The following DPP10 variants were observed in gnomAD, a reference collection of about 807,000 sequenced individuals.
The protein encoded by DPP10 is inactive dipeptidyl peptidase 10.
In DPP10, 33 loss-of-function variants were observed where a neutral mutation model predicts 120.9. The ratio of observed to expected loss-of-function variants is 0.27; its 90% CI spans 0.21 to 0.37. The LOEUF (loss-of-function observed/expected upper bound fraction) is 0.37. Among genes scored for constraint, DPP10 ranks in the 10% least tolerant of loss-of-function variants. The pLI, the probability that DPP10 is intolerant of heterozygous loss-of-function variation, is 1.00. For synonymous variants in DPP10, 337 were observed against 326.1 expected (o/e 1.03, Z -0.36); for missense variants, 816 against 942.8 (o/e 0.87, Z 1.76).
chr2:115,079,138 TG>T lies in DPP10; in HGVS notation c.61-230097del, dbSNP rs1288616337. The stretch of plus-strand genomic sequence containing the variant: ...GCTCACGCCTGTAATCCCAGCACTT[TG>T]GGGCGCTGAGGCGGGTGGATCGTGA... On this transcript the variant is annotated intron_variant, in intron 1 of 25. Coordinates refer to ENST00000410059, the MANE Select transcript of DPP10 (RefSeq NM_020868.6). 2.0e-5 allele frequency among the ~76,000 whole-genome samples: 3 copies of T among 152,258 alleles called. No homozygotes were observed. The East Asian group carries it at 5.8e-4, about 29-fold the overall frequency.
intron 5 of DPP10, among the ~76,000 whole-genome samples, chr2:115,587,830 T>G (rs924507024): frequency 1.3e-5 from 2 of 152,236 alleles, no homozygotes; most frequent in Non-Finnish European, 2.9e-5. Flanking sequence ...AGTTTTATTC[T>G]TCAACATTCT....
chr2:115,405,582 G>T (rs1435499723), intron 3 of DPP10, among the ~76,000 whole-genome samples: 1 of 152,196 alleles, frequency 6.6e-6, no homozygotes, highest in Non-Finnish European at 1.5e-5. Context: ...CTCTGCCACT[G>T]TGACAGATTT....
At chr2:114,901,601 A>G (rs953976244) in intron 1 of DPP10, among the ~76,000 whole-genome samples, 12 of 152,314 alleles carry the variant, frequency 7.9e-5, no homozygotes, top group African/African-American at 2.4e-4. Flanking sequence ...TATTTTGTTC[A>G]TGTCCTAATT....
At chr2:115,527,753 A>G (rs76033917) in intron 5 of DPP10, among the ~76,000 whole-genome samples, 119 of 152,316 alleles carry the variant, frequency 7.8e-4, no homozygotes, top group African/African-American at 2.8e-3. Flanking sequence ...CAATAAGTAC[A>G]TGAAAATATT....
chr2:115,560,618 T>A (rs4849409), intron 5 of DPP10, among the ~76,000 whole-genome samples: 143,016 of 145,080 alleles, frequency 0.99, 70,532 homozygotes, highest in South Asian at 1. Flanking sequence ...AGATCAGAAA[T>A]TTTTTTTTTA....
intron 1 of DPP10, among the ~76,000 whole-genome samples, chr2:114,490,791 C>CG (rs1354699513): frequency 2.8e-5 from 4 of 144,930 alleles, no homozygotes; most frequent in African/African-American, 5.2e-5. Flanking sequence ...TATATGGGGG[C>CG]GGGGGGTAAT....
chr2:115,387,327 A>C (rs1181881150), intron 3 of DPP10, among the ~76,000 whole-genome samples: 1 of 152,214 alleles, frequency 6.6e-6, no homozygotes, highest in Non-Finnish European at 1.5e-5. Flanking sequence ...ATCTGGCCTT[A>C]GTTGCTACAA....
At chr2:114,993,811 A>G (rs1700909275) in intron 1 of DPP10, among the ~76,000 whole-genome samples, 1 of 151,978 alleles carries the variant, frequency 6.6e-6, no homozygotes, top group Non-Finnish European at 1.5e-5. Context: ...ACACGAGTCT[A>G]CATGTTTGAA....
rs779439414 is a variant in DPP10 at position 115,501,826 on chromosome 2, C to T, written c.366+2222C>T. 5.9e-5 allele frequency among the ~76,000 whole-genome samples: 9 copies of T among 151,986 alleles called. No individual in the cohort carries two copies. In the South Asian group the frequency reaches 1.0e-3, roughly 18 times the overall value. On this transcript the variant is annotated intron_variant, in intron 4 of 25. Transcript: ENST00000410059. ...AATACACTTATGTTTTTAATACTAA[C>T]GTTAGGCTAAAACCGGGATTTAATT...
intron 1 of DPP10, among the ~76,000 whole-genome samples, chr2:114,830,666 A>G (rs539763921): frequency 1.3e-5 from 2 of 152,272 alleles, no homozygotes; most frequent in East Asian, 1.9e-4. Context: ...TTTTTTTTAA[A>G]ACCACTTTTG....
At chr2:115,175,413 A>C (rs1343208245) in intron 1 of DPP10, among the ~76,000 whole-genome samples, 1 of 152,104 alleles carries the variant, frequency 6.6e-6, no homozygotes, top group African/African-American at 2.4e-5. Flanking sequence ...GGGGTGGGGG[A>C]ACAGGAAGAA....
At chr2:114,591,513 A>G (rs1252068947) in intron 1 of DPP10, among the ~76,000 whole-genome samples, 1 of 150,484 alleles carries the variant, frequency 6.6e-6, no homozygotes, top group Non-Finnish European at 1.5e-5. Context: ...CCACCCAGCC[A>G]TCCAGATTTA....
chr2:115,362,071 T>C (rs921263415), intron 3 of DPP10, among the ~76,000 whole-genome samples: 2 of 152,160 alleles, frequency 1.3e-5, no homozygotes, highest in African/African-American at 4.8e-5. Flanking sequence ...CATTTCTTTA[T>C]GAATGGCTAA....
chr2:114,692,272 G>A (rs1289973997), intron 1 of DPP10, among the ~76,000 whole-genome samples: 1 of 151,918 alleles, frequency 6.6e-6, no homozygotes, highest in East Asian at 1.9e-4. Flanking sequence ...CAGAGATTCT[G>A]GTACATTGTT....
chr2:114,953,061 A>T (rs1054320398), intron 1 of DPP10, among the ~76,000 whole-genome samples: 1 of 151,902 alleles, frequency 6.6e-6, no homozygotes, highest in Non-Finnish European at 1.5e-5. Flanking sequence ...AGAATGTGTC[A>T]GTACCCAGTA....
intron 1 of DPP10, among the ~76,000 whole-genome samples, chr2:115,101,043 A>C (rs1327073868): frequency 6.6e-6 from 1 of 152,118 alleles, no homozygotes; most frequent in East Asian, 1.9e-4. Flanking sequence ...CTGTGAACCA[A>C]GCTCAGTCAC....
chr2:115,654,286 C>G (rs2088083905), intron 5 of DPP10, among the ~76,000 whole-genome samples: 1 of 151,750 alleles, frequency 6.6e-6, no homozygotes, highest in East Asian at 1.9e-4. Context: ...AACAAGAAAT[C>G]AAAGCGAATT....
intron 1 of DPP10, among the ~76,000 whole-genome samples, chr2:115,247,457 T>A (rs188775619): frequency 6.6e-6 from 1 of 152,106 alleles, no homozygotes; most frequent in Non-Finnish European, 1.5e-5. Context: ...TCTTGAATGA[T>A]ATTTATCTCG....
chr2:115,354,774 C>A (rs960276259), intron 3 of DPP10, among the ~76,000 whole-genome samples: 1 of 151,836 alleles, frequency 6.6e-6, no homozygotes, highest in African/African-American at 2.4e-5. Context: ...TTGTTCAACT[C>A]CCACTTATGA....
Sources: allele counts gnomAD v4.1 joint callset (sites outside exome capture counted in the v4.1 genomes callset), GRCh38; gene constraint gnomAD v4.1.1; transcripts MANE v1.5; gene names NCBI Gene and HGNC (gene_info 2026-07-23, HGNC 2026-07-21).